Variants in PCDHA8 observed in about 807,000 individuals in gnomAD.
PCDHA8 encodes protocadherin alpha-8.
A neutral mutation model predicts 61.8 loss-of-function variants in PCDHA8; 53 were observed. The ratio of observed to expected loss-of-function variants is 0.86; its 90% confidence interval spans 0.69 to 1.08. The LOEUF is 1.08. Ranked by LOEUF, PCDHA8 falls within the 50% of genes least tolerant of loss-of-function variation. PCDHA8 has a pLI of 0.00. For missense variants in PCDHA8, 1,293 were observed against 1,245.0 expected, an observed-to-expected ratio of 1.04 and a Z score of -0.58; for synonymous variants, 618 against 556.6, an observed-to-expected ratio of 1.11 and a Z score of -1.55.
At chr5:140,849,982 A>T (rs2150461317) in intron 1 of PCDHA8, 3 of 1,597,430 alleles carry the variant, frequency 1.9e-6, no homozygotes, top group Non-Finnish European at 2.6e-6. Flanking sequence ...TCGCTGGTGG[A>T]GCGGCGGTTG....
intron 1 of PCDHA8, chr5:140,882,108 A>G: frequency 7.3e-7 from 1 of 1,370,912 alleles, no homozygotes; most frequent in Non-Finnish European, 9.8e-7. Flanking sequence ...TCCGCGAAGA[A>G]AGCCGCCGTT....
intron 1 of PCDHA8, chr5:140,862,752 G>A (rs554442218): frequency 5.2e-6 from 3 of 577,754 alleles, no homozygotes; most frequent in East Asian, 4.7e-5. Flanking sequence ...TGCACGCGGA[G>A]AGCGGCAAGA....
At chr5:140,967,870 G>T in intron 1 of PCDHA8, 1 of 1,614,152 alleles carries the variant, frequency 6.2e-7, no homozygotes, top group Non-Finnish European at 8.5e-7. Flanking sequence ...TGGTGCTCAC[G>T]GACCTGTATA....
At chr5:140,916,647 C>T (rs2077666767) in intron 1 of PCDHA8, among the ~76,000 whole-genome samples, 1 of 152,180 alleles carries the variant, frequency 6.6e-6, no homozygotes, top group African/African-American at 2.4e-5. Context: ...TGTGGCTGAG[C>T]TGGTATCCAA....
Position 140,922,562 on chromosome 5 carries a change from T to A in PCDHA8, c.2395-56387T>A, listed in dbSNP as rs2080887973. Among the ~76,000 whole-genome samples, 4 of 152,188 alleles carry A rather than the reference T, an allele frequency of 2.6e-5. No individual in the cohort carries two copies. In the South Asian group the frequency reaches 8.3e-4, roughly 31 times the overall value. ...GGCAAGGTAAGGAGAAAAGTCAGGA[T>A]GACAAGTTGCCCTGTAGCCGCCAGT... On this transcript the variant is annotated intron_variant, in intron 1 of 3. Transcript: ENST00000531613.
intron 1 of PCDHA8, among the ~76,000 whole-genome samples, chr5:140,905,589 G>T (rs1336272963): frequency 4.6e-5 from 7 of 152,084 alleles, no homozygotes; most frequent in African/African-American, 1.7e-4. Context: ...ATGATATTTT[G>T]CTGGGAATTG....
chr5:140,918,321 T>C (rs1175303192), intron 1 of PCDHA8, among the ~76,000 whole-genome samples: 2 of 152,054 alleles, frequency 1.3e-5, no homozygotes, highest in Non-Finnish European at 2.9e-5. Flanking sequence ...GGTATAAAAT[T>C]ATATTGTCTG....
At chr5:141,001,122 TAAAC>T (rs1274933487) in intron 3 of PCDHA8, among the ~76,000 whole-genome samples, 1 of 152,154 alleles carries the variant, frequency 6.6e-6, no homozygotes, top group African/African-American at 2.4e-5. Flanking sequence ...CAATAGTCCT[TAAAC>T]AAATGAATCT....
Position 140,844,332 on chromosome 5 carries a change from G to C in PCDHA8, c.2394+617G>C, listed in dbSNP as rs2150370679. On this transcript the variant is annotated intron_variant, in intron 1 of 3. Coordinates refer to ENST00000531613, the MANE Select transcript of PCDHA8 (RefSeq NM_018911.3). ...TTCTTCCTAATTTTATTATAAACTA[G>C]TTAAAAAGTAAAATCAAGAGGGAAG... Among the ~76,000 whole-genome samples the C allele has an allele frequency of 8.0e-5, 12 of 149,222 alleles. 2 individuals carry two copies. The highest frequency in any genetic ancestry group is 1.8e-4 in the Non-Finnish European group (12 of 66,748).
intron 1 of PCDHA8, chr5:140,883,909 C>T: frequency 6.2e-7 from 1 of 1,613,472 alleles, no homozygotes; most frequent in Non-Finnish European, 8.5e-7. Flanking sequence ...CTCTGGGCAG[C>T]AACGTGACGC....
intron 1 of PCDHA8, chr5:140,871,015 G>A (rs1554164977): frequency 1.9e-6 from 3 of 1,613,126 alleles, no homozygotes; most frequent in East Asian, 2.2e-5. Flanking sequence ...TGCCCTGGAC[G>A]AGGCAGACTC....
chr5:140,860,713 A>G (rs2046537417), intron 1 of PCDHA8: 1 of 152,204 alleles, frequency 6.6e-6, no homozygotes, highest in Non-Finnish European at 1.5e-5. Context: ...GTTCTCCATG[A>G]AAAGTTTTTT....
chr5:140,959,622 A>T (rs1489618654), intron 1 of PCDHA8, among the ~76,000 whole-genome samples: 1 of 152,194 alleles, frequency 6.6e-6, no homozygotes, highest in Admixed American at 6.5e-5. Flanking sequence ...TTGTGATAGA[A>T]AAAAAGAGAG....
At chr5:140,848,863 T>G (rs1581167323) in intron 1 of PCDHA8, 1 of 1,589,778 alleles carries the variant, frequency 6.3e-7, no homozygotes, top group African/African-American at 1.4e-5. Context: ...GACGTGGAGG[T>G]GAAGGACATT....
chr5:140,851,004 AT>A (rs17844337), intron 1 of PCDHA8: 9 of 1,435,010 alleles, frequency 6.3e-6, no homozygotes, highest in Admixed American at 2.7e-5. Context: ...AATCCAGCAG[AT>A]TTTTTTTCTG....
At chr5:140,847,164 T>C (rs1780885642) in intron 1 of PCDHA8, among the ~76,000 whole-genome samples, 1 of 149,534 alleles carries the variant, frequency 6.7e-6, no homozygotes, top group Non-Finnish European at 1.5e-5. Flanking sequence ...TTCTGAGTAA[T>C]AAACTAAAGG....
At chr5:140,925,092 AGGAAGGAAGGAAGGAG>A (rs1190692996) in intron 1 of PCDHA8, among the ~76,000 whole-genome samples, 1 of 151,410 alleles carries the variant, frequency 6.6e-6, no homozygotes, top group Non-Finnish European at 1.5e-5. Flanking sequence ...AAAGGAAGGA[AGGAAGGAAGGAAGGAG>A]GGAAGGAAGG....
At chr5:140,916,399 C>G (rs1421171065) in intron 1 of PCDHA8, among the ~76,000 whole-genome samples, 2 of 152,168 alleles carry the variant, frequency 1.3e-5, no homozygotes, top group African/African-American at 4.8e-5. Context: ...TGTGCTGGAT[C>G]ACACCTGAAG....
chr5:140,974,680 T>C (rs2096636478), intron 1 of PCDHA8, among the ~76,000 whole-genome samples: 1 of 152,074 alleles, frequency 6.6e-6, no homozygotes, highest in African/African-American at 2.4e-5. Flanking sequence ...CCTGGCTAAT[T>C]TTGTATTTTT....
Sources: gnomAD v4.1 joint callset for allele counts (sites outside exome capture counted in the v4.1 genomes callset) on GRCh38, gnomAD v4.1.1 for gene constraint, MANE v1.5 for transcripts, NCBI Gene and HGNC (gene_info 2026-07-23, HGNC 2026-07-21) for gene names.